SORBS2: variants seen among roughly 807,000 people sequenced by gnomAD.
The protein encoded by SORBS2 is sorbin and SH3 domain containing 2.
A neutral mutation model predicts 97.7 loss-of-function variants in SORBS2; 46 were observed. That is an observed-to-expected ratio of 0.47 (90% CI 0.37 to 0.60). The LOEUF (loss-of-function observed/expected upper bound fraction) is 0.60, where lower values mean the gene tolerates loss of function less well. SORBS2 is among the 20% of genes least tolerant of loss of function. The probability of loss-of-function intolerance (pLI) is 0.00; values close to 1 mark genes in which losing one functional copy is unlikely to be tolerated. For missense variants in SORBS2, 1,316 were observed against 1,282.3 expected (o/e 1.03, Z -0.40); for synonymous variants, 476 against 473.4 (o/e 1.01, Z -0.07).
chr4:185,769,566 C>T (rs1403353280), intron 2 of SORBS2, among the ~76,000 whole-genome samples: 5 of 152,202 alleles, frequency 3.3e-5, no homozygotes, highest in South Asian at 2.1e-4. Context: ...TCTCGGCTCA[C>T]GGCAACCTGT....
intron 4 of SORBS2, chr4:185,676,998 A>G (rs1414068931): frequency 1.9e-6 from 3 of 1,549,790 alleles, no homozygotes; most frequent in Non-Finnish European, 2.6e-6. Context: ...TTAAGGTACC[A>G]CTCTGCAGTC....
chr4:185,712,828 A>C (rs1433479912), intron 2 of SORBS2, among the ~76,000 whole-genome samples: 1 of 152,150 alleles, frequency 6.6e-6, no homozygotes, highest in East Asian at 1.9e-4. Flanking sequence ...CCCCCCTCGC[A>C]AGTGCCGTGA....
intron 4 of SORBS2, among the ~76,000 whole-genome samples, chr4:185,670,929 A>C (rs2097703566): frequency 6.6e-6 from 1 of 152,152 alleles, no homozygotes; most frequent in Non-Finnish European, 1.5e-5. Flanking sequence ...AATGCCCCTC[A>C]GGTAGCTGTC....
intron 2 of SORBS2, among the ~76,000 whole-genome samples, chr4:185,688,502 ATAAATAG>A (rs2098021388): frequency 2.0e-5 from 2 of 100,864 alleles, no homozygotes; most frequent in Non-Finnish European, 4.7e-5. Flanking sequence ...TGATAGATAG[ATAAATAG>A]ATAGATAGAT....
intron 2 of SORBS2, among the ~76,000 whole-genome samples, chr4:185,751,190 A>AGAG (rs749470182): frequency 1.2e-5 from 1 of 86,426 alleles, no homozygotes; most frequent in Non-Finnish European, 2.5e-5. Context: ...AAAAAAAAAA[A>AGAG]AGAGAAAGAG....
At chr4:185,677,702 T>C in intron 4 of SORBS2, 2 of 1,352,346 alleles carry the variant, frequency 1.5e-6, no homozygotes, top group Non-Finnish European at 1.9e-6. Flanking sequence ...AAAGTCCAAG[T>C]TAGTCATGAA....
rs543116523 is a variant in SORBS2 at position 185,859,670 on chromosome 4, TAGTAGTTTGTA to T, written c.-337-84315_-337-84305del. On this transcript the variant is annotated intron_variant, in intron 1 of 20. Coordinates refer to the SORBS2 transcript ENST00000284776. ...TGCTGGTTTATGTACCCATCTCCTTTAGTAGTTTGTAAGCCTCCTGAGGTCAGGGATCATTT... is the reference window on the plus strand; with the variant it reads ...TGCTGGTTTATGTACCCATCTCCTTTAGCCTCCTGAGGTCAGGGATCATTT... Among the ~76,000 whole-genome samples, 405 of 152,292 alleles carry T rather than the reference TAGTAGTTTGTA, an allele frequency of 2.7e-3. 1 individual carries two copies. The highest frequency in any genetic ancestry group is 9.2e-3 in the African/African-American group (383 of 41,562).
At chr4:185,612,491 ATTTTTTTTTT>A (rs112327583) in intron 11 of SORBS2, among the ~76,000 whole-genome samples, 1 of 114,922 alleles carries the variant, frequency 8.7e-6, no homozygotes, top group African/African-American at 3.2e-5. Context: ...TTTTATTTCT[ATTTTTTTTTT>A]TTTTTTGAGA....
At chr4:185,861,235 C>T (rs1027980273) in intron 1 of SORBS2, among the ~76,000 whole-genome samples, 3 of 149,810 alleles carry the variant, frequency 2.0e-5, no homozygotes, top group African/African-American at 7.4e-5. Flanking sequence ...CCCACTGTGG[C>T]CTGAACGAAT....
upstream of SORBS2, among the ~76,000 whole-genome samples, chr4:185,658,405 C>T (rs2097445621): frequency 2.0e-5 from 1 of 50,010 alleles, no homozygotes; most frequent in Non-Finnish European, 4.8e-5. Flanking sequence ...TTCTAATACA[C>T]AGGAATTTTA....
chr4:185,727,513 T>TA (rs1432697822), intron 2 of SORBS2, among the ~76,000 whole-genome samples: 3 of 152,254 alleles, frequency 2.0e-5, no homozygotes, highest in African/African-American at 7.2e-5. Context: ...GACAGGTTAA[T>TA]AACTTTGTTA....
rs147237618 is a variant in SORBS2, at chr4:185,629,933, G to A, written c.446+616C>T. Among the ~76,000 whole-genome samples the A allele has an allele frequency of 6.9e-4, 105 of 152,252 alleles. 1 individual carries two copies. The highest frequency in any genetic ancestry group is 6.8e-3 in the Middle Eastern group (2 of 294). ...AACTTACTTCAGGCGAACTCTGAGG[G>A]AAGTTAGGCCTAGCGGTGACAAGCT... On this transcript the variant is annotated intron_variant, in intron 5 of 14. Transcript: ENST00000418609.
chr4:185,872,867 C>T (rs985580702), intron 1 of SORBS2, among the ~76,000 whole-genome samples: 13 of 152,168 alleles, frequency 8.5e-5, no homozygotes, highest in African/African-American at 3.1e-4. Context: ...AGGAGGACAG[C>T]GGCTGCTGTG....
At chr4:185,806,525 T>A (rs1400791682) in intron 1 of SORBS2, among the ~76,000 whole-genome samples, 13 of 135,348 alleles carry the variant, frequency 9.6e-5, no homozygotes, top group Non-Finnish European at 1.8e-4. Context: ...TGGCGGGATC[T>A]CGGCTCACTG....
At chr4:185,804,870 T>G (rs1454561074) in intron 1 of SORBS2, among the ~76,000 whole-genome samples, 2 of 98,830 alleles carry the variant, frequency 2.0e-5, no homozygotes. Context: ...GCTTCTATGG[T>G]TTTTTTTAAC....
Position 185,606,455 on chromosome 4 carries a change from A to G in SORBS2, c.2796+5325T>C, listed in dbSNP as rs1021573076. 2 of 976,062 alleles carry G rather than the reference A, an allele frequency of 2.0e-6. No homozygotes were observed. The highest frequency in any genetic ancestry group is 6.2e-5 in the Admixed American group (1 of 16,246). 60.5% of individuals were successfully genotyped at this position (976,062 alleles called of 1,614,324 possible). A position where few individuals can be genotyped will look rare whatever the true frequency, so the allele number is the denominator to read the frequency against. Reference sequence around the variant, plus strand: ...CATATACCCACTCCACCCCCATCTTATATAGTATTTGTGTTTTTTGTTTAA... The same window carrying G: ...CATATACCCACTCCACCCCCATCTTGTATAGTATTTGTGTTTTTTGTTTAA... On this transcript the variant is annotated intron_variant, in intron 12 of 14. Transcript: ENST00000418609. The surrounding 1 kb of genome is among the most constrained non-coding windows in gnomAD (Gnocchi z 4.3).
intron 12 of SORBS2, among the ~76,000 whole-genome samples, chr4:185,605,663 C>T (rs2096398234): frequency 6.6e-6 from 1 of 151,928 alleles, no homozygotes; most frequent in African/African-American, 2.4e-5. Context: ...CAGCTCATTA[C>T]AACCTCCTCC....
intron 2 of SORBS2, among the ~76,000 whole-genome samples, chr4:185,722,245 C>T (rs905717819): frequency 9.9e-5 from 15 of 152,134 alleles, no homozygotes; most frequent in Non-Finnish European, 2.2e-4. Flanking sequence ...GGGTTACTTT[C>T]CAAATTTTGT....
At chr4:185,587,340 T>A in exon 15 of SORBS2, 1 of 304,876 alleles carries the variant, frequency 3.3e-6, no homozygotes. Context: ...TATTTGACCA[T>A]TTTTAAATAT....
Sources: allele counts gnomAD v4.1 joint callset (sites outside exome capture counted in the v4.1 genomes callset), GRCh38; gene constraint gnomAD v4.1.1; non-coding constraint Gnocchi (gnomAD v3.1); transcripts MANE v1.5; gene names NCBI Gene and HGNC (gene_info 2026-07-23, HGNC 2026-07-21).